Variants in PURA observed in about 807,000 individuals in gnomAD.
PURA encodes transcriptional activator protein Pur-alpha.
In PURA, 2 loss-of-function variants were observed where a neutral mutation model predicts 23.1. That is an observed-to-expected ratio of 0.09 (90% CI 0.04 to 0.27). The LOEUF (loss-of-function observed/expected upper bound fraction) is 0.27, where lower values mean the gene tolerates loss of function less well. PURA is among the 10% of genes least tolerant of loss of function. PURA has a pLI of 1.00. For synonymous variants in PURA, 254 were observed against 205.9 expected, an observed-to-expected ratio of 1.23 and a Z score of -2.00; for missense variants, 187 against 449.7, an observed-to-expected ratio of 0.42 and a Z score of 5.28.
chr5:140,120,198 A>G lies in PURA; in HGVS notation c.*5048A>G, dbSNP rs1763134744. ...ATTTGAATATCTTCATAATTTGGAG[A>G]GAGATGTATACACACACATACACAT... On this transcript the variant is annotated 3_prime_UTR_variant, in exon 1 of 1. Transcript: ENST00000331327. 1 of 166,738 alleles carries G rather than the reference A, an allele frequency of 6.0e-6. No homozygotes were observed. Among genetic ancestry groups the G allele is most frequent in the Non-Finnish European group, 1.5e-5 (1 of 67,888 alleles). The allele number at this position is 166,738 out of a possible 1,614,324, so 10.3% of individuals were successfully genotyped here.
rs1436913298 is a variant in PURA, at chr5:140,118,142, T to G, written c.*2992T>G. The G allele has an allele frequency of 6.0e-6, 1 of 166,918 alleles. No individual in the cohort carries two copies. The highest frequency in any genetic ancestry group is 6.5e-5 in the Admixed American group (1 of 15,288). 10.3% of individuals were successfully genotyped at this position (166,918 alleles called of 1,614,324 possible). ...TATATTTGACCATATGTGTTATTCA[T>G]AGAAGACAGTATGATCAAATGTGCC... is the stretch of plus-strand genomic sequence containing the variant. On this transcript the variant is annotated 3_prime_UTR_variant, in exon 1 of 1. Transcript: ENST00000331327.
rs529130852 is a variant in PURA at position 140,124,055 on chromosome 5, T to C, written c.*8905T>C. On this transcript the variant is annotated 3_prime_UTR_variant, in exon 1 of 1. Transcript: ENST00000331327. ...TTTATTTTAACCAGATGCGGTCTTA[T>C]GACCTCAAAGATGTGCTCTAGAAAG... is the stretch of plus-strand genomic sequence containing the variant. 1.2e-5 allele frequency: 2 copies of C among 167,122 alleles called. No homozygotes were observed. Among genetic ancestry groups the C allele is most frequent in the South Asian group, 4.1e-4 (2 of 4,832 alleles). 10.4% of individuals were successfully genotyped at this position (167,122 alleles called of 1,614,324 possible). A position where few individuals can be genotyped will look rare whatever the true frequency, so the allele number is the denominator to read the frequency against.
At position 140,123,482 on chromosome 5, in the gene PURA, CTT is replaced by C. The variant is rs1282218326; in HGVS notation, c.*8335_*8336del. On this transcript the variant is annotated 3_prime_UTR_variant, in exon 1 of 1. Transcript: ENST00000331327. ...AGTCACTTTCACTTTTGTTTCTAGTCTTTTCTAATTTCTTGCAGAATTGTGTT... is the reference window on the plus strand; with the variant it reads ...AGTCACTTTCACTTTTGTTTCTAGTCTTCTAATTTCTTGCAGAATTGTGTT... 6.0e-6 allele frequency: 1 copy of C among 166,696 alleles called. No individual in the cohort carries two copies. Among genetic ancestry groups the C allele is most frequent in the Non-Finnish European group, 1.5e-5 (1 of 68,038 alleles). The allele number at this position is 166,696 out of a possible 1,614,324, so 10.3% of individuals were successfully genotyped here. A position where few individuals can be genotyped will look rare whatever the true frequency, so the allele number is the denominator to read the frequency against.
In PURA at chr5:140,124,019, G is replaced by GGGC. The variant is rs1265086777; in HGVS notation, c.*8870_*8872dup. Reference sequence around the variant, plus strand: ...TCACTTTGAGGGGGAAGGGAAGCAAGGGCAAGAGACTTTATTTTAACCAGA... The same window carrying GGGC: ...TCACTTTGAGGGGGAAGGGAAGCAAGGGCGGCAAGAGACTTTATTTTAACCAGA... On this transcript the variant is annotated 3_prime_UTR_variant, in exon 1 of 1. Transcript: ENST00000331327. The GGGC allele has an allele frequency of 1.2e-5, 2 of 166,896 alleles. No individual in the cohort carries two copies. Among genetic ancestry groups the GGGC allele is most frequent in the African/African-American group, 4.8e-5 (2 of 41,386 alleles). The allele number at this position is 166,896 out of a possible 1,614,324, so 10.3% of individuals were successfully genotyped here.
rs931640464 is a variant in PURA at position 140,121,401 on chromosome 5, T to C, written c.*6251T>C. 5 of 166,948 alleles carry C rather than the reference T, an allele frequency of 3.0e-5. No homozygotes were observed. Among genetic ancestry groups the C allele is most frequent in the African/African-American group, 7.2e-5 (3 of 41,436 alleles). 10.3% of individuals were successfully genotyped at this position (166,948 alleles called of 1,614,324 possible). A position where few individuals can be genotyped will look rare whatever the true frequency, so the allele number is the denominator to read the frequency against. On this transcript the variant is annotated 3_prime_UTR_variant, in exon 1 of 1. Transcript: ENST00000331327. ...ATGATAGCCATCAGCTAATGACTTA[T>C]CAGACACATGTTGAGTTTGGGTCAA...
Position 140,114,259 on chromosome 5 carries a change from G to C in PURA, c.78G>C (p.Ser26=), listed in dbSNP as rs1156498095. ...GSGGSLGHPG[S]GSGSGGGGGG... ...GCGGCTCCCTGGGGCACCCCGGCTC[G>C]GGCTCAGGCTCCGGCGGGGGCGGTG... Residue 26 remains serine, a synonymous_variant, in exon 1 of 1, where the codon TCG becomes TCC. Transcript: ENST00000331327. 8.3e-7 allele frequency: 1 copy of C among 1,209,710 alleles called. No homozygotes were observed. The highest frequency in any genetic ancestry group is 1.0e-6 in the Non-Finnish European group (1 of 978,454). The allele number at this position is 1,209,710 out of a possible 1,614,324, so 74.9% of individuals were successfully genotyped here. A position where few individuals can be genotyped will look rare whatever the true frequency, so the allele number is the denominator to read the frequency against.
chr5:140,116,761 T>C lies in PURA; in HGVS notation c.*1611T>C, dbSNP rs1763084671. 6.4e-6 allele frequency: 1 copy of C among 155,214 alleles called. No homozygotes were observed. The highest frequency in any genetic ancestry group is 2.1e-4 in the East Asian group (1 of 4,836). 9.6% of individuals were successfully genotyped at this position (155,214 alleles called of 1,614,324 possible). A position where few individuals can be genotyped will look rare whatever the true frequency, so the allele number is the denominator to read the frequency against. On this transcript the variant is annotated 3_prime_UTR_variant, in exon 1 of 1. Transcript: ENST00000331327. ...ATCTTTGAGTGAAGAGAAAATGTTA[T>C]AAAAAAGATGCCTTAAACAGTACAT...
rs966112755 is a variant in PURA, at chr5:140,115,387, C to T, written c.*237C>T. ...TGTCCACTTTATCCACCATATAAAA[C>T]AGTAAGCAGCTGCTAAAAACAAAAA... On this transcript the variant is annotated 3_prime_UTR_variant, in exon 1 of 1. Coordinates refer to ENST00000331327, the MANE Select transcript of PURA (RefSeq NM_005859.5). This position sits in a 1 kb window ranked among gnomAD's most constrained non-coding sequence, Gnocchi z 4.1. The T allele has an allele frequency of 1.1e-5, 4 of 350,812 alleles. No homozygotes were observed. The highest frequency in any genetic ancestry group is 2.1e-5 in the Non-Finnish European group (4 of 188,224). 21.7% of individuals were successfully genotyped at this position (350,812 alleles called of 1,614,324 possible).
In PURA at chr5:140,120,023, C is replaced by G. The variant is rs910001206; in HGVS notation, c.*4873C>G. The G allele has an allele frequency of 6.0e-6, 1 of 166,740 alleles. No homozygotes were observed. The highest frequency in any genetic ancestry group is 1.5e-5 in the Non-Finnish European group (1 of 67,930). 10.3% of individuals were successfully genotyped at this position (166,740 alleles called of 1,614,324 possible). A position where few individuals can be genotyped will look rare whatever the true frequency, so the allele number is the denominator to read the frequency against. ...AAAAGTGAGATACCAAGTCTAATGACTTTTTTCCCTTTTTAAAATCTTTTG... is the reference window on the plus strand; with the variant it reads ...AAAAGTGAGATACCAAGTCTAATGAGTTTTTTCCCTTTTTAAAATCTTTTG... On this transcript the variant is annotated 3_prime_UTR_variant, in exon 1 of 1. Transcript: ENST00000331327.
rs955416159 is a variant in PURA at position 140,120,084 on chromosome 5, G to T, written c.*4934G>T. ...TGAGACCTTGCTATCTATGTAAAAG[G>T]ATGCTAAAACAAGGGCATCTGTAGC... On this transcript the variant is annotated 3_prime_UTR_variant, in exon 1 of 1. Coordinates refer to ENST00000331327, the MANE Select transcript of PURA (RefSeq NM_005859.5). 6.0e-6 allele frequency: 1 copy of T among 166,780 alleles called. No individual in the cohort carries two copies. The highest frequency in any genetic ancestry group is 2.4e-5 in the African/African-American group (1 of 41,402). 10.3% of individuals were successfully genotyped at this position (166,780 alleles called of 1,614,324 possible).
In PURA at chr5:140,115,036, G is replaced by A; in HGVS notation, c.855G>A (p.Gln285=). ...SEEMKKIQEK[Q]REKRAACEQL... ...AGATGAAGAAGATTCAAGAGAAGCA[G>A]AGGGAGAAGCGGGCTGCCTGTGAGC... Residue 285 remains glutamine (Q), a synonymous_variant, in exon 1 of 1, where the codon CAG becomes CAA. Transcript: ENST00000331327. The surrounding 1 kb of genome is among the most constrained non-coding windows in gnomAD (Gnocchi z 4.1). 1 of 1,614,142 alleles carries A rather than the reference G, an allele frequency of 6.2e-7. No individual in the cohort carries two copies. Among genetic ancestry groups the A allele is most frequent in the Non-Finnish European group, 8.5e-7 (1 of 1,180,030 alleles).
chr5:140,115,225 C>G lies in PURA; in HGVS notation c.*75C>G. ...CACAGCCACACACACAGAAAATATA[C>G]TGTAAAGAAAGAGAGAAAATAAAAA... On this transcript the variant is annotated 3_prime_UTR_variant, in exon 1 of 1. Coordinates refer to ENST00000331327, the MANE Select transcript of PURA (RefSeq NM_005859.5). This position sits in a 1 kb window ranked among gnomAD's most constrained non-coding sequence, Gnocchi z 4.1. 1.1e-6 allele frequency: 1 copy of G among 875,336 alleles called. No homozygotes were observed. The highest frequency in any genetic ancestry group is 3.1e-5 in the East Asian group (1 of 32,598). 54.2% of individuals were successfully genotyped at this position (875,336 alleles called of 1,614,324 possible). A position where few individuals can be genotyped will look rare whatever the true frequency, so the allele number is the denominator to read the frequency against.
chr5:140,114,607 G>A lies in PURA; in HGVS notation c.426G>A (p.Ala142=), dbSNP rs1581036389. 3 of 1,606,848 alleles carry A rather than the reference G, an allele frequency of 1.9e-6. No homozygotes were observed. Among genetic ancestry groups the A allele is most frequent in the Non-Finnish European group, 2.5e-6 (3 of 1,178,116 alleles). ...LAQAQDEPRR[A]LKSEFLVREN... ...AGGCGCAGGACGAGCCGCGCCGGGCGCTCAAAAGCGAGTTCCTGGTGCGCG... is the reference window on the plus strand; with the variant it reads ...AGGCGCAGGACGAGCCGCGCCGGGCACTCAAAAGCGAGTTCCTGGTGCGCG... The change falls in exon 1 of 1, where the codon GCG becomes GCA. Residue 142 remains alanine (A), a synonymous_variant. Coordinates refer to ENST00000331327, the MANE Select transcript of PURA (RefSeq NM_005859.5).
At position 140,120,842 on chromosome 5, in the gene PURA, A is replaced by G. The variant is rs1418763992; in HGVS notation, c.*5692A>G. ...TAACATTTTTCTTAACAAGAATGTCATAACTACTCATTCATTTTTATTTTG... is the reference window on the plus strand; with the variant it reads ...TAACATTTTTCTTAACAAGAATGTCGTAACTACTCATTCATTTTTATTTTG... On this transcript the variant is annotated 3_prime_UTR_variant, in exon 1 of 1. Coordinates refer to ENST00000331327, the MANE Select transcript of PURA (RefSeq NM_005859.5). 6.0e-6 allele frequency: 1 copy of G among 166,750 alleles called. No homozygotes were observed. Among genetic ancestry groups the G allele is most frequent in the Non-Finnish European group, 1.5e-5 (1 of 67,992 alleles). The allele number at this position is 166,750 out of a possible 1,614,324, so 10.3% of individuals were successfully genotyped here.
Position 140,118,590 on chromosome 5 carries a change from T to C in PURA, c.*3440T>C, listed in dbSNP as rs1049959394. 1.2e-5 allele frequency: 2 copies of C among 166,976 alleles called. No homozygotes were observed. The highest frequency in any genetic ancestry group is 4.1e-4 in the South Asian group (2 of 4,834). 10.3% of individuals were successfully genotyped at this position (166,976 alleles called of 1,614,324 possible). ...CAAAGGAAGTTCATAAGAAAAGCCA[T>C]GTCGGCTTTTCCTCTACTAGATACA... is the stretch of plus-strand genomic sequence containing the variant. On this transcript the variant is annotated 3_prime_UTR_variant, in exon 1 of 1. Transcript: ENST00000331327.
rs1483069679 is a variant in PURA, at chr5:140,120,002, G to A, written c.*4852G>A. On this transcript the variant is annotated 3_prime_UTR_variant, in exon 1 of 1. Coordinates refer to ENST00000331327, the MANE Select transcript of PURA (RefSeq NM_005859.5). ...TTTAAGATTTTCTTCACCATAAAAA[G>A]TGAGATACCAAGTCTAATGACTTTT... The A allele has an allele frequency of 6.0e-6, 1 of 166,704 alleles. No individual in the cohort carries two copies. Among genetic ancestry groups the A allele is most frequent in the Non-Finnish European group, 1.5e-5 (1 of 67,924 alleles). 10.3% of individuals were successfully genotyped at this position (166,704 alleles called of 1,614,324 possible).
In PURA at chr5:140,114,667, C is replaced by T; in HGVS notation, c.486C>T (p.Asn162=). The T allele has an allele frequency of 6.2e-7, 1 of 1,611,854 alleles. No homozygotes were observed. The highest frequency in any genetic ancestry group is 1.3e-5 in the African/African-American group (1 of 75,056). The change falls in exon 1 of 1, where the codon AAC becomes AAT. Residue 162 remains asparagine, a synonymous_variant. Coordinates refer to ENST00000331327, the MANE Select transcript of PURA (RefSeq NM_005859.5). ...AGTACTACATGGATCTCAAGGAGAA[C>T]CAGCGCGGCCGCTTCCTGCGCATCC... ...NRKYYMDLKE[N]QRGRFLRIRQ... is the part of the protein sequence containing the mutation.
Position 140,115,152 on chromosome 5 carries a change from C to A in PURA, c.*2C>A, listed in dbSNP as rs1763059484. ...GAGGAAGAAGGGGAAGAAGATTGAT[C>A]AAACTGAATGAAACCCCCACACACA... On this transcript the variant is annotated 3_prime_UTR_variant, in exon 1 of 1. Transcript: ENST00000331327. This position sits in a 1 kb window ranked among gnomAD's most constrained non-coding sequence, Gnocchi z 4.1. 1 of 1,515,060 alleles carries A rather than the reference C, an allele frequency of 6.6e-7. No homozygotes were observed. The highest frequency in any genetic ancestry group is 1.3e-5 in the South Asian group (1 of 77,726). The allele number at this position is 1,515,060 out of a possible 1,614,324, so 93.9% of individuals were successfully genotyped here.
rs756869753 is a variant in PURA, at chr5:140,114,337, G to A, written c.156G>A (p.Gly52=). 2 of 1,474,868 alleles carry A rather than the reference G, an allele frequency of 1.4e-6. No homozygotes were observed. Among genetic ancestry groups the A allele is most frequent in the African/African-American group, 1.4e-5 (1 of 69,708 alleles). The allele number at this position is 1,474,868 out of a possible 1,614,324, so 91.4% of individuals were successfully genotyped here. A position where few individuals can be genotyped will look rare whatever the true frequency, so the allele number is the denominator to read the frequency against. The change falls in exon 1 of 1, where the codon GGG becomes GGA. Residue 52 remains glycine, a synonymous_variant. Coordinates refer to ENST00000331327, the MANE Select transcript of PURA (RefSeq NM_005859.5). ...GCGGCGGCGGCGGCGGGGCCCCAGGGGGGCTGCAGCACGAGACGCAGGAGC... is the reference window on the plus strand; with the variant it reads ...GCGGCGGCGGCGGCGGGGCCCCAGGAGGGCTGCAGCACGAGACGCAGGAGC... ...GSGGGGGGAP[G]GLQHETQELA...
Sources: gnomAD v4.1 joint callset for allele counts on GRCh38, gnomAD v4.1.1 for gene constraint, Gnocchi (gnomAD v3.1) non-coding constraint, MANE v1.5 for transcripts, NCBI Gene and HGNC (gene_info 2026-07-23, HGNC 2026-07-21) for gene names.